The following RBM43 variants were observed in gnomAD, a reference collection of about 807,000 sequenced individuals.
RBM43 encodes RNA binding motif protein 43.
RBM43 carries 12 observed loss-of-function variants against 12.4 expected under a neutral mutation model. The ratio of observed to expected loss-of-function variants is 0.97; its 90% CI spans 0.62 to 1.57. RBM43 has a LOEUF of 1.57. Ranked by LOEUF, RBM43 falls within the 40% of genes most tolerant of loss-of-function variation. The pLI is 0.00. For missense variants in RBM43, 348 were observed against 400.1 expected (o/e 0.87, Z 1.11); for synonymous variants, 138 against 145.7 (o/e 0.95, Z 0.38).
At position 151,251,560 on chromosome 2, in the gene RBM43, G is replaced by A; in HGVS notation, c.420C>T (p.Ser140=). ...TTCCATTGGGTTTCAAAGGACTGAA[G>A]CTTAAACTCGGGATTTTTTTTTTCA... ...KDLKKKIPSL[S]FSPLKPNGRI... Residue 140 remains serine (S), a synonymous_variant, in exon 4 of 4, where the codon AGC becomes AGT. Transcript: ENST00000331426. 6.2e-7 allele frequency: 1 copy of A among 1,614,140 alleles called. No individual in the cohort carries two copies. The highest frequency in any genetic ancestry group is 8.5e-7 in the Non-Finnish European group (1 of 1,180,014).
At position 151,261,825 on chromosome 2, in the gene RBM43, T is replaced by TA; in HGVS notation, c.-99_-98insT. On this transcript the variant is annotated 5_prime_UTR_variant, in exon 1 of 4. Transcript: ENST00000331426. ...AGCGAGCAGGCAGGTTTTGGTTTCG[T>TA]TTTTTGTTCCAGCTCCCTTGGAGGC... 7.7e-7 allele frequency: 1 copy of TA among 1,296,994 alleles called. No homozygotes were observed. Among genetic ancestry groups the TA allele is most frequent in the Non-Finnish European group, 1.0e-6 (1 of 990,378 alleles). 80.3% of individuals were successfully genotyped at this position (1,296,994 alleles called of 1,614,324 possible). A position where few individuals can be genotyped will look rare whatever the true frequency, so the allele number is the denominator to read the frequency against.
chr2:151,259,911 G>A (rs371832661), intron 1 of RBM43, among the ~76,000 whole-genome samples: 25 of 151,690 alleles, frequency 1.6e-4, no homozygotes, highest in African/African-American at 5.6e-4. Context: ...TGTCACCTAC[G>A]CTGGAGTGCA....
In RBM43 at chr2:151,253,594, A is replaced by T. The variant is rs559314055; in HGVS notation, c.215-739T>A. 3.9e-5 allele frequency among the ~76,000 whole-genome samples: 6 copies of T among 152,294 alleles called. No homozygotes were observed. The South Asian group carries it at 1.0e-3, about 26-fold the overall frequency. On this transcript the variant is annotated intron_variant, in intron 2 of 3. Coordinates refer to ENST00000331426, the MANE Select transcript of RBM43 (RefSeq NM_198557.3). ...TCACCTGCCCTGGTACTGCCCTATCAAAGCCAACGATGAGTAGTAATTCCT... is the reference window on the plus strand; with the variant it reads ...TCACCTGCCCTGGTACTGCCCTATCTAAGCCAACGATGAGTAGTAATTCCT...
chr2:151,251,155 A>C lies in RBM43; in HGVS notation c.825T>G (p.His275Gln). The C allele has an allele frequency of 6.2e-7, 1 of 1,613,884 alleles. No individual in the cohort carries two copies. The highest frequency in any genetic ancestry group is 8.5e-7 in the Non-Finnish European group (1 of 1,179,944). ...ACCATTCCTCAATGAGCTCTTTTAC[A>C]TGTTTTGCATTGTTTGGCTGAGAAC... ...QVGSQPNNAK[H>Q]VKELIEEWSH... The change falls in exon 4 of 4, where the codon CAT (histidine) becomes CAG (glutamine). Residue 275 changes from histidine (H) to glutamine (Q), a missense_variant. Physicochemically the swap from His to Gln is conservative, Grantham distance 24. Coordinates refer to ENST00000331426, the MANE Select transcript of RBM43 (RefSeq NM_198557.3).
intron 2 of RBM43, among the ~76,000 whole-genome samples, chr2:151,255,316 G>A (rs2105191243): frequency 6.6e-6 from 1 of 152,120 alleles, no homozygotes; most frequent in East Asian, 1.9e-4. Flanking sequence ...TATTCAGGAG[G>A]CTGAGGCAGG....
At chr2:151,260,955 T>C (rs578145790) in intron 1 of RBM43, 21 of 325,290 alleles carry the variant, frequency 6.5e-5, no homozygotes, top group African/African-American at 4.2e-4. Context: ...AGTAAGGCAT[T>C]GGGAAGAAAC....
chr2:151,250,431 C>T lies in RBM43; in HGVS notation c.*475G>A, dbSNP rs2105188278. 6.6e-6 allele frequency: 1 copy of T among 152,374 alleles called. No individual in the cohort carries two copies. The highest frequency in any genetic ancestry group is 1.9e-4 in the East Asian group (1 of 5,174). 9.4% of individuals were successfully genotyped at this position (152,374 alleles called of 1,614,324 possible). On this transcript the variant is annotated 3_prime_UTR_variant, in exon 4 of 4. Transcript: ENST00000331426. ...CTAACACGGTGAAACCCCATCTCTA[C>T]TAAAAAAATACAAAAAGATTAGCCG...
At chr2:151,257,551 G>C (rs1372967335) in intron 1 of RBM43, among the ~76,000 whole-genome samples, 2 of 151,974 alleles carry the variant, frequency 1.3e-5, no homozygotes, top group Non-Finnish European at 2.9e-5. Flanking sequence ...AAATTAGCCT[G>C]GCATGGTGGT....
rs552705305 is a variant in RBM43 at position 151,253,900 on chromosome 2, A to T, written c.215-1045T>A. ...AAATTACCAGTCCCTCCCTTGGCCT[A>T]GAATGTTCTCCCCACTTATCTGTAT... On this transcript the variant is annotated intron_variant, in intron 2 of 3. Transcript: ENST00000331426. Among the ~76,000 whole-genome samples the T allele has an allele frequency of 1.9e-4, 29 of 152,204 alleles. No individual in the cohort carries two copies. In the South Asian group the frequency reaches 6.0e-3, roughly 32 times the overall value.
intron 1 of RBM43, among the ~76,000 whole-genome samples, chr2:151,258,387 A>C (rs1275252298): frequency 6.6e-6 from 1 of 151,510 alleles, no homozygotes; most frequent in Admixed American, 6.6e-5. Flanking sequence ...TTTACTTTAA[A>C]AAAAAAAAAA....
chr2:151,250,507 G>C lies in RBM43; in HGVS notation c.*399C>G, dbSNP rs1682883057. ...CCAGCTACTCCAGAGGTTGAGGCAGGAGAATGGTGTGAACCCAGGAGGTGG... is the reference window on the plus strand; with the variant it reads ...CCAGCTACTCCAGAGGTTGAGGCAGCAGAATGGTGTGAACCCAGGAGGTGG... On this transcript the variant is annotated 3_prime_UTR_variant, in exon 4 of 4. Coordinates refer to ENST00000331426, the MANE Select transcript of RBM43 (RefSeq NM_198557.3). 1 of 152,258 alleles carries C rather than the reference G, an allele frequency of 6.6e-6. No individual in the cohort carries two copies. The highest frequency in any genetic ancestry group is 1.4e-5 in the Non-Finnish European group (1 of 69,412). 9.4% of individuals were successfully genotyped at this position (152,258 alleles called of 1,614,324 possible).
intron 1 of RBM43, among the ~76,000 whole-genome samples, chr2:151,260,564 A>G (rs1352612540): frequency 6.6e-6 from 1 of 152,182 alleles, no homozygotes; most frequent in Non-Finnish European, 1.5e-5. Context: ...CTGAACCAGT[A>G]TTTTTAGAAG....
intron 1 of RBM43, among the ~76,000 whole-genome samples, chr2:151,257,137 C>G (rs1043527030): frequency 2.0e-5 from 3 of 152,180 alleles, no homozygotes; most frequent in Non-Finnish European, 4.4e-5. Flanking sequence ...CATAAACTGT[C>G]CTAAGCTACC....
At chr2:151,254,043 G>A (rs1287032653) in intron 2 of RBM43, among the ~76,000 whole-genome samples, 3 of 151,738 alleles carry the variant, frequency 2.0e-5, no homozygotes, top group South Asian at 4.2e-4. Flanking sequence ...ATGTCTTGTC[G>A]TAGCACTTAT....
In RBM43 at chr2:151,249,509, C is replaced by T. The variant is rs1021660729; in HGVS notation, c.*1397G>A. Reference sequence around the variant, plus strand: ...TCTCCTGCCTCAGCCTCTAGCCTCCCGAGTAGGTGGGACTACAGGCGCCCA... The same window carrying T: ...TCTCCTGCCTCAGCCTCTAGCCTCCTGAGTAGGTGGGACTACAGGCGCCCA... On this transcript the variant is annotated 3_prime_UTR_variant, in exon 4 of 4. Transcript: ENST00000331426. 6.6e-6 allele frequency: 1 copy of T among 152,062 alleles called. No homozygotes were observed. The highest frequency in any genetic ancestry group is 2.4e-5 in the African/African-American group (1 of 41,282). 9.4% of individuals were successfully genotyped at this position (152,062 alleles called of 1,614,324 possible).
chr2:151,260,287 A>G (rs1683030460), intron 1 of RBM43, among the ~76,000 whole-genome samples: 1 of 151,840 alleles, frequency 6.6e-6, no homozygotes, highest in Admixed American at 6.6e-5. Context: ...CATCACGCCC[A>G]GCTAATTTTT....
chr2:151,252,971 C>G, intron 2 of RBM43, 116 bp from the exon 3 acceptor site: 1 of 541,778 alleles, frequency 1.8e-6, no homozygotes, highest in Non-Finnish European at 3.3e-6. Context: ...CTACATTTTT[C>G]CTCTAAATTC....
chr2:151,253,501 C>G (rs763924358), intron 2 of RBM43, among the ~76,000 whole-genome samples: 1 of 152,166 alleles, frequency 6.6e-6, no homozygotes, highest in African/African-American at 2.4e-5. Context: ...TATTCTATCC[C>G]CAGTGTTCTC....
rs1008159686 is a variant in RBM43 at position 151,251,569 on chromosome 2, C to T, written c.411G>A (p.Pro137=). The T allele has an allele frequency of 5.0e-6, 8 of 1,613,874 alleles. No homozygotes were observed. The highest frequency in any genetic ancestry group is 1.7e-5 in the Admixed American group (1 of 59,984). The change falls in exon 4 of 4, where the codon CCG becomes CCA. Residue 137 remains proline, a synonymous_variant. Coordinates refer to ENST00000331426, the MANE Select transcript of RBM43 (RefSeq NM_198557.3). ...GTTTCAAAGGACTGAAGCTTAAACT[C>T]GGGATTTTTTTTTTCAGGTCTTTTA... ...TLVKDLKKKI[P]SLSFSPLKPN... is the part of the protein sequence containing the mutation.
Sources: allele counts gnomAD v4.1 joint callset (sites outside exome capture counted in the v4.1 genomes callset), GRCh38; gene constraint gnomAD v4.1.1; transcripts MANE v1.5; gene names NCBI Gene and HGNC (gene_info 2026-07-23, HGNC 2026-07-21).